The following KATNIP variants were observed in gnomAD, a reference collection of about 807,000 sequenced individuals.
KATNIP encodes the protein katanin interacting protein.
A neutral mutation model predicts 174.0 loss-of-function variants in KATNIP; 126 were observed. The ratio of observed to expected loss-of-function variants is 0.72; its 90% confidence interval spans 0.63 to 0.84. KATNIP has a LOEUF of 0.84. Ranked by LOEUF, KATNIP falls within the 40% of genes least tolerant of loss-of-function variation. The probability of loss-of-function intolerance (pLI) is 0.00; values close to 1 mark genes in which losing one functional copy is unlikely to be tolerated. For synonymous variants in KATNIP, 810 were observed against 835.7 expected, an observed-to-expected ratio of 0.97 and a Z score of 0.53; for missense variants, 1,958 against 2,109.7, an observed-to-expected ratio of 0.93 and a Z score of 1.41.
At chr16:27,769,600 C>T (rs1422383833) in intron 20 of KATNIP, among the ~76,000 whole-genome samples, 2 of 152,206 alleles carry the variant, frequency 1.3e-5, no homozygotes, top group African/African-American at 4.8e-5. Flanking sequence ...TTGAGGTGGG[C>T]GAGGCCTTGG....
At chr16:27,584,871 A>G (rs2090834622) in intron 2 of KATNIP, among the ~76,000 whole-genome samples, 1 of 152,140 alleles carries the variant, frequency 6.6e-6, no homozygotes, top group Non-Finnish European at 1.5e-5. Flanking sequence ...TATTATCCTT[A>G]TCTTACATGA....
At chr16:27,614,877 A>G (rs1029425998) in intron 2 of KATNIP, among the ~76,000 whole-genome samples, 1 of 152,186 alleles carries the variant, frequency 6.6e-6, no homozygotes, top group Non-Finnish European at 1.5e-5. Context: ...CAGGAGGAGA[A>G]AGGGCATCAG....
chr16:27,736,193 G>A (rs2080889027), intron 14 of KATNIP, among the ~76,000 whole-genome samples: 1 of 152,070 alleles, frequency 6.6e-6, no homozygotes, highest in Admixed American at 6.6e-5. Context: ...AGTAGAGACG[G>A]GGTTTCATCA....
Position 27,778,908 on chromosome 16 carries a change from G to A in KATNIP, c.*279G>A. On this transcript the variant is annotated 3_prime_UTR_variant, in exon 28 of 28. Coordinates refer to ENST00000261588, the MANE Select transcript of KATNIP (RefSeq NM_015202.5). ...TGCCTCTGCTGTGAGACCCAGCAAA[G>A]CAGGGCCCATGACCACTAGGGCCTG... 2.5e-6 allele frequency: 1 copy of A among 405,208 alleles called. No homozygotes were observed. Among genetic ancestry groups the A allele is most frequent in the South Asian group, 5.9e-5 (1 of 16,920 alleles). 25.1% of individuals were successfully genotyped at this position (405,208 alleles called of 1,614,324 possible).
In KATNIP at chr16:27,716,627, T is replaced by C. The variant is rs557712344; in HGVS notation, c.1606-4931T>C. Among the ~76,000 whole-genome samples the C allele has an allele frequency of 2.6e-5, 4 of 152,270 alleles. 1 individual carries two copies. The highest frequency in any genetic ancestry group is 9.6e-5 in the African/African-American group (4 of 41,536). Reference sequence around the variant, plus strand: ...ACATTCACTTGTGTGTACATGTATATATTTCTATGCAGTGTTATCACATAT... The same window carrying C: ...ACATTCACTTGTGTGTACATGTATACATTTCTATGCAGTGTTATCACATAT... On this transcript the variant is annotated intron_variant, in intron 13 of 27. Coordinates refer to ENST00000261588, the MANE Select transcript of KATNIP (RefSeq NM_015202.5).
Position 27,777,030 on chromosome 16 carries a change from G to A in KATNIP, c.4551+1G>A, listed in dbSNP as rs766813185. Reference sequence around the variant, plus strand: ...CCATCGAGGGGTGAAGGAGTTTGGCGTAAGTACTTATTAGCTGAGTTTTTT... The same window carrying A: ...CCATCGAGGGGTGAAGGAGTTTGGCATAAGTACTTATTAGCTGAGTTTTTT... On this transcript the variant is annotated splice_donor_variant, in intron 25 of 27. Transcript: ENST00000261588. LOFTEE classifies it high-confidence loss of function. The surrounding 1 kb of genome is among the most constrained non-coding windows in gnomAD (Gnocchi z 4.4). 1.5e-5 allele frequency: 24 copies of A among 1,593,284 alleles called. No individual in the cohort carries two copies. Among genetic ancestry groups the A allele is most frequent in the Admixed American group, 5.0e-5 (3 of 59,636 alleles).
chr16:27,614,890 T>C (rs2075996504), intron 2 of KATNIP, among the ~76,000 whole-genome samples: 2 of 152,232 alleles, frequency 1.3e-5, no homozygotes, highest in South Asian at 4.1e-4. Context: ...GGCATCAGGG[T>C]GTTAGCCCTG....
chr16:27,615,293 C>CTTT (rs528705562), intron 2 of KATNIP, among the ~76,000 whole-genome samples: 2 of 129,392 alleles, frequency 1.5e-5, no homozygotes, highest in East Asian at 2.2e-4. Context: ...CACATCTGGC[C>CTTT]TTTTTTTTTT....
In KATNIP at chr16:27,628,833, G is replaced by A; in HGVS notation, c.310+3G>A. 2 of 1,613,908 alleles carry A rather than the reference G, an allele frequency of 1.2e-6. No individual in the cohort carries two copies. Among genetic ancestry groups the A allele is most frequent in the Non-Finnish European group, 1.7e-6 (2 of 1,179,954 alleles). On this transcript the variant is annotated splice_donor_region_variant and intron_variant, in intron 4 of 27. Transcript: ENST00000261588. ...CTCCCACACGGAGGGGACACACGGT[G>A]AGCACAGGCCCTCCAGGCTGAGTCT... is the stretch of plus-strand genomic sequence containing the variant.
chr16:27,774,410 G>A (rs907353837), intron 23 of KATNIP, among the ~76,000 whole-genome samples: 1 of 152,150 alleles, frequency 6.6e-6, no homozygotes, highest in African/African-American at 2.4e-5. Context: ...AACAGGCCCA[G>A]GGTTGACCTG....
chr16:27,703,074 G>A (rs2079158764), intron 11 of KATNIP, among the ~76,000 whole-genome samples: 1 of 152,110 alleles, frequency 6.6e-6, no homozygotes, highest in Non-Finnish European at 1.5e-5. Context: ...AGCTGAGGAA[G>A]GAGAATTGCT....
intron 3 of KATNIP, among the ~76,000 whole-genome samples, chr16:27,623,614 C>T (rs2076254779): frequency 6.6e-6 from 1 of 152,108 alleles, no homozygotes; most frequent in South Asian, 2.1e-4. Context: ...TGCGGGCCAC[C>T]ACATCCAGCT....
rs74665179 is a variant in KATNIP at position 27,671,706 on chromosome 16, C to T, written c.541-6023C>T. 8.5e-5 allele frequency among the ~76,000 whole-genome samples: 13 copies of T among 152,328 alleles called. No homozygotes were observed. In the East Asian group the frequency reaches 2.5e-3, roughly 29 times the overall value. On this transcript the variant is annotated intron_variant, in intron 6 of 27. Coordinates refer to ENST00000261588, the MANE Select transcript of KATNIP (RefSeq NM_015202.5). Reference sequence around the variant, plus strand: ...GCAAAGCTGGTAGCCCTGTTTCCATCCTTGTCCCACCTCCTAAAATCCACT... The same window carrying T: ...GCAAAGCTGGTAGCCCTGTTTCCATTCTTGTCCCACCTCCTAAAATCCACT...
intron 2 of KATNIP, among the ~76,000 whole-genome samples, chr16:27,593,050 C>T (rs2075228867): frequency 6.6e-6 from 1 of 152,022 alleles, no homozygotes; most frequent in Non-Finnish European, 1.5e-5. Context: ...CTGGGAGGTC[C>T]CCTCTCTGTA....
At chr16:27,763,326 G>A (rs908361699) in intron 19 of KATNIP, among the ~76,000 whole-genome samples, 5 of 149,988 alleles carry the variant, frequency 3.3e-5, no homozygotes, top group Non-Finnish European at 1.5e-5. Flanking sequence ...AAAAAAAGTA[G>A]CCAGGTACTG....
chr16:27,752,718 T>G (rs1461735237), intron 17 of KATNIP, among the ~76,000 whole-genome samples: 2 of 146,762 alleles, frequency 1.4e-5, no homozygotes, highest in African/African-American at 5.1e-5. Flanking sequence ...GCCTGGCTAG[T>G]TTTTTTTTTA....
At chr16:27,649,241 C>G (rs2077052004) in intron 6 of KATNIP, among the ~76,000 whole-genome samples, 2 of 152,234 alleles carry the variant, frequency 1.3e-5, no homozygotes, top group Non-Finnish European at 2.9e-5. Flanking sequence ...TGTTTAAAAG[C>G]CTAGAGGCCT....
Position 27,701,614 on chromosome 16 carries a change from C to G in KATNIP, c.1205C>G (p.Thr402Ser). The G allele has an allele frequency of 6.2e-7, 1 of 1,603,028 alleles. No individual in the cohort carries two copies. Among genetic ancestry groups the G allele is most frequent in the African/African-American group, 1.3e-5 (1 of 74,922 alleles). ...LELLPITTAT[T>S]TQEPAGAAGG... ...CTGCTTCCCATCACCACGGCGACTA[C>G]TACTCAGGAGCCGGCCGGGGCAGCA... Residue 402 changes from threonine (T) to serine (S), a missense_variant, in exon 11 of 28, where the codon ACT becomes AGT. This residue lies in a region of KATNIP where 1,557 missense variants were observed against 1,617.8 expected (regional missense o/e 0.96). Transcript: ENST00000261588.
intron 6 of KATNIP, among the ~76,000 whole-genome samples, chr16:27,656,806 A>AGG (rs1378582205): frequency 9.5e-6 from 1 of 104,768 alleles, no homozygotes; most frequent in Non-Finnish European, 1.9e-5. Flanking sequence ...GGGAGGGGGG[A>AGG]GGGATAGCAT....
Sources: allele counts gnomAD v4.1 joint callset (sites outside exome capture counted in the v4.1 genomes callset), GRCh38; gene constraint gnomAD v4.1.1; regional missense constraint gnomAD v4.1.1; non-coding constraint Gnocchi (gnomAD v3.1); transcripts MANE v1.5; gene names NCBI Gene and HGNC (gene_info 2026-07-23, HGNC 2026-07-21).